CDH12: variants seen among roughly 807,000 people sequenced by gnomAD.
CDH12 encodes the protein cadherin-12.
In CDH12, 41 loss-of-function variants were observed where a neutral mutation model predicts 74.1. That is an observed-to-expected ratio of 0.55 (90% confidence interval 0.43 to 0.72). The LOEUF (loss-of-function observed/expected upper bound fraction) is 0.72. Among genes scored for constraint, CDH12 ranks in the 30% least tolerant of loss-of-function variants. The pLI, the probability that CDH12 is intolerant of heterozygous loss-of-function variation, is 0.00. For missense variants in CDH12, 945 were observed against 977.2 expected (o/e 0.97, Z 0.44); for synonymous variants, 399 against 355.0 (o/e 1.12, Z -1.39).
chr5:22,133,730 C>T (rs553192703), intron 4 of CDH12, among the ~76,000 whole-genome samples: 102 of 152,184 alleles, frequency 6.7e-4, no homozygotes, highest in African/African-American at 2.2e-3. Flanking sequence ...ATATTCTATA[C>T]ATCTATACAT....
chr5:22,400,563 T>TG (rs1295118598), intron 3 of CDH12, among the ~76,000 whole-genome samples: 1 of 152,020 alleles, frequency 6.6e-6, no homozygotes, highest in Non-Finnish European at 1.5e-5. Context: ...CCCAAAGTGC[T>TG]GGAATTACAG....
chr5:22,509,353 C>G (rs1401288342), intron 1 of CDH12, among the ~76,000 whole-genome samples: 2 of 152,118 alleles, frequency 1.3e-5, no homozygotes, highest in Non-Finnish European at 2.9e-5. Context: ...TTAAGCAAAT[C>G]TCATAAAAGT....
intron 4 of CDH12, among the ~76,000 whole-genome samples, chr5:22,092,425 T>C (rs1313166381): frequency 6.6e-6 from 1 of 152,106 alleles, no homozygotes; most frequent in Non-Finnish European, 1.5e-5. Flanking sequence ...AATAGAAAGA[T>C]AATACAATCA....
At chr5:22,156,214 C>A (rs1223962356) in intron 4 of CDH12, among the ~76,000 whole-genome samples, 3 of 152,092 alleles carry the variant, frequency 2.0e-5, no homozygotes, top group African/African-American at 7.2e-5. Flanking sequence ...CAGTTTCTAA[C>A]CTTCTTCTGT....
chr5:22,753,306 G>A (rs1387827932), intron 1 of CDH12, among the ~76,000 whole-genome samples: 3 of 151,570 alleles, frequency 2.0e-5, no homozygotes, highest in South Asian at 2.1e-4. Flanking sequence ...GCACGGTGGC[G>A]GGCGCCTGTA....
chr5:22,002,094 T>A (rs1351828687), intron 5 of CDH12, among the ~76,000 whole-genome samples: 1 of 152,162 alleles, frequency 6.6e-6, no homozygotes, highest in East Asian at 1.9e-4. Flanking sequence ...CATATCAGTG[T>A]AAAACATATG....
intron 1 of CDH12, among the ~76,000 whole-genome samples, chr5:22,659,747 C>T (rs1740248858): frequency 6.6e-6 from 1 of 152,010 alleles, no homozygotes; most frequent in Admixed American, 6.6e-5. Flanking sequence ...TGTATATATA[C>T]ACACATACAT....
intron 4 of CDH12, among the ~76,000 whole-genome samples, chr5:22,164,804 G>A (rs1280614491): frequency 7.0e-6 from 1 of 143,806 alleles, no homozygotes; most frequent in Non-Finnish European, 1.5e-5. Context: ...GTGTTTAAAG[G>A]TGGATGTGGT....
chr5:22,097,473 A>C (rs1303841561), intron 4 of CDH12, among the ~76,000 whole-genome samples: 1 of 152,054 alleles, frequency 6.6e-6, no homozygotes, highest in East Asian at 1.9e-4. Flanking sequence ...GCCTCCATAA[A>C]TGTGGTAGGT....
At chr5:22,762,025 A>T (rs760105293) in intron 1 of CDH12, among the ~76,000 whole-genome samples, 4 of 152,090 alleles carry the variant, frequency 2.6e-5, no homozygotes, top group African/African-American at 9.7e-5. Flanking sequence ...TCAAAGTCAT[A>T]GTTTCCCAGA....
chr5:22,727,950 G>A (rs1363071373), intron 1 of CDH12, among the ~76,000 whole-genome samples: 1 of 151,392 alleles, frequency 6.6e-6, no homozygotes, highest in Non-Finnish European at 1.5e-5. Context: ...AAGTTGTTGA[G>A]TTTTTTCAAT....
chr5:21,880,955 C>G (rs555561042), intron 6 of CDH12, among the ~76,000 whole-genome samples: 3 of 151,920 alleles, frequency 2.0e-5, no homozygotes, highest in African/African-American at 4.8e-5. Flanking sequence ...ACCTGTGTTT[C>G]TAGTGACTGT....
intron 3 of CDH12, among the ~76,000 whole-genome samples, chr5:22,341,762 C>A (rs879689502): frequency 6.6e-6 from 1 of 151,954 alleles, no homozygotes; most frequent in African/African-American, 2.4e-5. Flanking sequence ...GTTAGGCAAC[C>A]GTTAGGCAAT....
At chr5:22,425,998 C>A (rs917601180) in intron 2 of CDH12, among the ~76,000 whole-genome samples, 1 of 151,792 alleles carries the variant, frequency 6.6e-6, no homozygotes, top group African/African-American at 2.4e-5. Context: ...ACCACCCTGG[C>A]CAACATGATG....
intron 1 of CDH12, among the ~76,000 whole-genome samples, chr5:22,732,414 A>G (rs1236718672): frequency 6.6e-6 from 1 of 151,532 alleles, no homozygotes; most frequent in East Asian, 1.9e-4. Context: ...TGGATTTGAG[A>G]GGGAGACAAT....
At chr5:22,296,869 A>G (rs565346169) in intron 3 of CDH12, among the ~76,000 whole-genome samples, 37 of 152,350 alleles carry the variant, frequency 2.4e-4, no homozygotes, top group African/African-American at 8.4e-4. Flanking sequence ...TCCTATGTAT[A>G]GCACCATTAA....
intron 4 of CDH12, among the ~76,000 whole-genome samples, chr5:22,210,634 G>C (rs1034074559): frequency 6.6e-6 from 1 of 151,982 alleles, no homozygotes; most frequent in African/African-American, 2.4e-5. Context: ...GAGAGTAAAC[G>C]CAACCTTCAA....
intron 2 of CDH12, among the ~76,000 whole-genome samples, chr5:22,460,948 T>G (rs1745487064): frequency 6.6e-6 from 1 of 150,448 alleles, no homozygotes; most frequent in African/African-American, 2.4e-5. Context: ...CTCAAATTCC[T>G]GACCCCAGGT....
chr5:22,570,144 C>G (rs1402516252), intron 1 of CDH12, among the ~76,000 whole-genome samples: 1 of 151,956 alleles, frequency 6.6e-6, no homozygotes, highest in Non-Finnish European at 1.5e-5. Context: ...CAACCTTCAC[C>G]TCCCAGGTTC....
Sources: allele counts gnomAD v4.1 joint callset (sites outside exome capture counted in the v4.1 genomes callset), GRCh38; gene constraint gnomAD v4.1.1; transcripts MANE v1.5; gene names NCBI Gene and HGNC (gene_info 2026-07-23, HGNC 2026-07-21).